Variants in CSMD2 observed in about 807,000 individuals in gnomAD.
The protein encoded by CSMD2 is CUB and sushi domain-containing protein 2.
CSMD2 carries 130 observed loss-of-function variants against 398.5 expected under a neutral mutation model. That is an observed-to-expected ratio of 0.33 (90% CI 0.28 to 0.38). The LOEUF is 0.38. Ranked by LOEUF, CSMD2 falls within the 10% of genes least tolerant of loss-of-function variation. The pLI is 1.00. For synonymous variants in CSMD2, 1,828 were observed against 1,908.5 expected (o/e 0.96, Z 1.10); for missense variants, 3,829 against 4,764.9 (o/e 0.80, Z 5.78).
intron 5 of CSMD2, chr1:33,863,822 C>T (rs1295031246): frequency 5.3e-6 from 1 of 189,024 alleles, no homozygotes; most frequent in Non-Finnish European, 1.1e-5. Context: ...TGCAGCAAAA[C>T]CCACTGCCTC....
chr1:33,752,005 GA>G (rs1266983375), intron 13 of CSMD2, among the ~76,000 whole-genome samples: 2 of 152,178 alleles, frequency 1.3e-5, no homozygotes, highest in Admixed American at 6.5e-5. Flanking sequence ...GCAACTGGCA[GA>G]AGGGAAGTGG....
chr1:34,099,814 T>C (rs539955622), intron 1 of CSMD2, among the ~76,000 whole-genome samples: 2 of 152,334 alleles, frequency 1.3e-5, no homozygotes, highest in South Asian at 4.2e-4. Flanking sequence ...AGCCTTGACC[T>C]GGTCCCTGCT....
intron 6 of CSMD2, among the ~76,000 whole-genome samples, chr1:33,843,880 CAAGG>C (rs1428434281): frequency 2.6e-5 from 4 of 152,184 alleles, no homozygotes; most frequent in Admixed American, 6.5e-5. Flanking sequence ...CCAGGTCTGC[CAAGG>C]GGCAGACCTC....
At chr1:33,813,748 C>G (rs1557936419) in intron 9 of CSMD2, among the ~76,000 whole-genome samples, 1 of 152,160 alleles carries the variant, frequency 6.6e-6, no homozygotes, top group East Asian at 1.9e-4. Flanking sequence ...GGTCTCATAT[C>G]TTCTCTCCAA....
intron 25 of CSMD2, among the ~76,000 whole-genome samples, chr1:33,677,180 A>C (rs1292567671): frequency 6.6e-6 from 1 of 152,202 alleles, no homozygotes; most frequent in Non-Finnish European, 1.5e-5. Flanking sequence ...GGCAACCTAC[A>C]GAATGGGAGA....
intron 42 of CSMD2, among the ~76,000 whole-genome samples, chr1:33,603,399 A>G (rs1388741229): frequency 2.0e-5 from 3 of 152,192 alleles, no homozygotes; most frequent in African/African-American, 7.2e-5. Flanking sequence ...CCCAAACACC[A>G]TGGTCCAGAA....
intron 7 of CSMD2, among the ~76,000 whole-genome samples, chr1:33,821,318 A>G (rs1228958112): frequency 6.6e-6 from 1 of 152,212 alleles, no homozygotes; most frequent in Non-Finnish European, 1.5e-5. Flanking sequence ...GGCAGCGGAT[A>G]CACACACAGT....
chr1:33,564,268 A>G (rs1213011468), intron 53 of CSMD2, among the ~76,000 whole-genome samples: 3 of 152,194 alleles, frequency 2.0e-5, no homozygotes, highest in African/African-American at 7.2e-5. Context: ...ACCTAGAGTT[A>G]CATAGCCACA....
intron 6 of CSMD2, among the ~76,000 whole-genome samples, chr1:33,830,328 TCAGA>T: frequency 6.6e-6 from 1 of 152,130 alleles, no homozygotes; most frequent in South Asian, 2.1e-4. Context: ...AGAGGAATAA[TCAGA>T]CAGCAGCATT....
At chr1:33,955,338 C>CA (rs556974176) in intron 3 of CSMD2, among the ~76,000 whole-genome samples, 101 of 152,250 alleles carry the variant, frequency 6.6e-4, no homozygotes, top group African/African-American at 2.4e-3. Flanking sequence ...AGCTTCCACG[C>CA]AGGAGGCTGA....
intron 41 of CSMD2, among the ~76,000 whole-genome samples, chr1:33,607,806 T>G (rs1640721871): frequency 6.6e-6 from 1 of 152,188 alleles, no homozygotes; most frequent in Non-Finnish European, 1.5e-5. Context: ...AGGCAAGTCC[T>G]GAAGGTCACA....
intron 12 of CSMD2, among the ~76,000 whole-genome samples, chr1:33,773,145 T>C (rs1266723498): frequency 1.3e-5 from 2 of 152,152 alleles, no homozygotes; most frequent in African/African-American, 2.4e-5. Flanking sequence ...TTAGAAGTCT[T>C]TGGAGACTTC....
intron 22 of CSMD2, among the ~76,000 whole-genome samples, chr1:33,703,762 T>C (rs1645686869): frequency 6.6e-6 from 1 of 152,226 alleles, no homozygotes; most frequent in South Asian, 2.1e-4. Context: ...AGATTGCTCT[T>C]TGAAAAGGAA....
chr1:33,870,494 G>A (rs1349796803), intron 5 of CSMD2: 1 of 152,182 alleles, frequency 6.6e-6, no homozygotes. Flanking sequence ...CATCCCTTGA[G>A]GTAGTTGCAT....
At chr1:33,734,279 T>C (rs1177710585) in intron 15 of CSMD2, among the ~76,000 whole-genome samples, 1 of 151,948 alleles carries the variant, frequency 6.6e-6, no homozygotes, top group African/African-American at 2.4e-5. Context: ...CTCTGGGGAG[T>C]GGGACTGGGA....
intron 22 of CSMD2, among the ~76,000 whole-genome samples, chr1:33,707,730 C>T (rs1645851558): frequency 6.6e-6 from 1 of 150,682 alleles, no homozygotes; most frequent in African/African-American, 2.5e-5. Flanking sequence ...CACACACACA[C>T]ACACACACAC....
intron 41 of CSMD2, among the ~76,000 whole-genome samples, chr1:33,606,583 G>A (rs1640627475): frequency 6.6e-6 from 1 of 152,356 alleles, no homozygotes; most frequent in South Asian, 2.1e-4. Flanking sequence ...GCAGCACGGG[G>A]GTTTGGGCCG....
At chr1:33,605,510 G>C in intron 41 of CSMD2, 40 bp from the exon 42 acceptor site, 1 of 1,600,528 alleles carries the variant, frequency 6.2e-7, no homozygotes, top group Non-Finnish European at 8.6e-7. Context: ...TATTCTCTCT[G>C]ACCAGAAAAT....
chr1:33,691,169 G>A (rs923147667), intron 25 of CSMD2, among the ~76,000 whole-genome samples: 1 of 152,160 alleles, frequency 6.6e-6, no homozygotes, highest in South Asian at 2.1e-4. Flanking sequence ...TTGCTTTGCC[G>A]GAATGTCATT....
Sources: allele counts gnomAD v4.1 joint callset (sites outside exome capture counted in the v4.1 genomes callset), GRCh38; gene constraint gnomAD v4.1.1; transcripts MANE v1.5; gene names NCBI Gene and HGNC (gene_info 2026-07-23, HGNC 2026-07-21).